PITPNC1: variants seen among roughly 807,000 people sequenced by gnomAD.
The protein encoded by PITPNC1 is phosphatidylinositol transfer protein cytoplasmic 1.
A neutral mutation model predicts 44.7 loss-of-function variants in PITPNC1; 18 were observed. The observed-to-expected ratio is 0.40, with a 90% CI of 0.28 to 0.60. The LOEUF (loss-of-function observed/expected upper bound fraction) is 0.60, where lower values mean the gene tolerates loss of function less well. Ranked by LOEUF, PITPNC1 falls within the 20% of genes least tolerant of loss-of-function variation. PITPNC1 has a pLI of 0.39. For missense variants in PITPNC1, 290 were observed against 418.4 expected, an observed-to-expected ratio of 0.69 and a Z score of 2.68; for synonymous variants, 141 against 149.6, an observed-to-expected ratio of 0.94 and a Z score of 0.42.
chr17:67,631,655 A>ATATATATATATATAT (rs57804710), intron 5 of PITPNC1, among the ~76,000 whole-genome samples: 3 of 8,300 alleles, frequency 3.6e-4, no homozygotes, highest in African/African-American at 7.3e-4. Flanking sequence ...AAAAAAAAAA[A>ATATATATATATATAT]AAATATATAT....
chr17:67,629,046 A>T (rs1041396519), intron 5 of PITPNC1, among the ~76,000 whole-genome samples: 21 of 152,310 alleles, frequency 1.4e-4, no homozygotes, highest in African/African-American at 4.8e-4. Context: ...GAAAACTGCA[A>T]TGGGTGCAAT....
At position 67,578,179 on chromosome 17, in the gene PITPNC1, C is replaced by G; in HGVS notation, c.295-7C>G. 1 of 1,600,530 alleles carries G rather than the reference C, an allele frequency of 6.2e-7. No individual in the cohort carries two copies. The highest frequency in any genetic ancestry group is 8.6e-7 in the Non-Finnish European group (1 of 1,167,884). ...TATGCTAATGAAAATTTGCTTTTCT[C>G]CCACAGTGTTCCTTTCTGCCGAAAT... is the stretch of plus-strand genomic sequence containing the variant. On this transcript the variant is annotated splice_polypyrimidine_tract_variant and splice_region_variant and intron_variant, in intron 4 of 8. Coordinates refer to ENST00000581322, the MANE Select transcript of PITPNC1 (RefSeq NM_012417.4).
chr17:67,690,354 A>G (rs57253958), intron 8 of PITPNC1, among the ~76,000 whole-genome samples: 75,465 of 151,126 alleles, frequency 0.5, 19,612 homozygotes, highest in Admixed American at 0.61. Flanking sequence ...AGGCTGAGGC[A>G]GGAGAATCGC....
intron 8 of PITPNC1, among the ~76,000 whole-genome samples, chr17:67,682,947 G>A (rs746449414): frequency 7.2e-5 from 11 of 152,000 alleles, no homozygotes; most frequent in Middle Eastern, 3.2e-3. Context: ...GAATCACAAG[G>A]TCAGGAGTTC....
At chr17:67,682,265 A>G (rs566146867) in intron 8 of PITPNC1, among the ~76,000 whole-genome samples, 1 of 152,332 alleles carries the variant, frequency 6.6e-6, no homozygotes, top group Admixed American at 6.5e-5. Context: ...GTACAAAGCT[A>G]TTCTGTGTGG....
intron 1 of PITPNC1, among the ~76,000 whole-genome samples, chr17:67,426,412 G>C (rs2038766014): frequency 6.6e-6 from 1 of 152,150 alleles, no homozygotes; most frequent in Admixed American, 6.6e-5. Context: ...TATACACCAT[G>C]GAATACTATA....
chr17:67,661,994 CATAATA>C (rs59557224), intron 6 of PITPNC1, among the ~76,000 whole-genome samples: 2 of 150,864 alleles, frequency 1.3e-5, no homozygotes, highest in Non-Finnish European at 2.9e-5. Context: ...GACTCCATCT[CATAATA>C]ATAATAATAA....
intron 1 of PITPNC1, among the ~76,000 whole-genome samples, chr17:67,406,594 T>TTG (rs1438048508): frequency 6.6e-6 from 1 of 150,820 alleles, no homozygotes; most frequent in Non-Finnish European, 1.5e-5. Context: ...ATATATAGTT[T>TTG]TTTTTTTTTT....
intron 5 of PITPNC1, among the ~76,000 whole-genome samples, chr17:67,628,497 T>C (rs2048274263): frequency 6.6e-6 from 1 of 152,194 alleles, no homozygotes; most frequent in Admixed American, 6.5e-5. Context: ...ACCCTAAGGC[T>C]GAGAGAGAAT....
At chr17:67,657,600 A>G (rs1413500541) in intron 6 of PITPNC1, among the ~76,000 whole-genome samples, 1 of 152,152 alleles carries the variant, frequency 6.6e-6, no homozygotes, top group African/African-American at 2.4e-5. Flanking sequence ...GTCCTTATCT[A>G]TAAAACTGAG....
chr17:67,495,000 C>G (rs1224484474), intron 1 of PITPNC1, among the ~76,000 whole-genome samples: 1 of 137,660 alleles, frequency 7.3e-6, no homozygotes, highest in Non-Finnish European at 1.5e-5. Context: ...GCAACAACAA[C>G]AAGTAGAAGT....
At chr17:67,428,950 C>T (rs1285550440) in intron 1 of PITPNC1, among the ~76,000 whole-genome samples, 1 of 147,488 alleles carries the variant, frequency 6.8e-6, no homozygotes, top group Non-Finnish European at 1.5e-5. Context: ...AAGCGATTCT[C>T]CTGCCTCAGC....
chr17:67,591,119 AAAAC>A (rs577857241), intron 5 of PITPNC1, among the ~76,000 whole-genome samples: 113 of 152,220 alleles, frequency 7.4e-4, no homozygotes, highest in Admixed American at 2.4e-3. Context: ...GTTCTTGTCA[AAAAC>A]AAACAAACAA....
At chr17:67,584,712 C>T (rs1375595125) in intron 5 of PITPNC1, among the ~76,000 whole-genome samples, 1 of 152,184 alleles carries the variant, frequency 6.6e-6, no homozygotes. Context: ...CCCAATGAGA[C>T]TCTGATTTTG....
intron 1 of PITPNC1, among the ~76,000 whole-genome samples, chr17:67,394,123 C>G (rs916581897): frequency 5.3e-5 from 8 of 152,052 alleles, no homozygotes; most frequent in Admixed American, 2.0e-4. Flanking sequence ...CAAGCGTGAG[C>G]CACCATGCCC....
intron 5 of PITPNC1, among the ~76,000 whole-genome samples, chr17:67,606,004 CT>C (rs1467023511): frequency 2.0e-5 from 3 of 152,138 alleles, no homozygotes; most frequent in Non-Finnish European, 2.9e-5. Flanking sequence ...GATCTGGGGT[CT>C]TTTGATTGTG....
intron 1 of PITPNC1, among the ~76,000 whole-genome samples, chr17:67,501,137 A>G (rs67132864): frequency 0.12 from 18,216 of 152,196 alleles, 1,227 homozygotes; most frequent in Middle Eastern, 0.21. Flanking sequence ...TGCTAATGTC[A>G]TATTATTACT....
intron 1 of PITPNC1, among the ~76,000 whole-genome samples, chr17:67,387,163 C>T (rs963640327): frequency 2.6e-5 from 4 of 152,198 alleles, no homozygotes; most frequent in African/African-American, 9.7e-5. Context: ...CAGGGGGCGC[C>T]ATTTACATGG....
At chr17:67,446,828 G>A (rs1480601293) in intron 1 of PITPNC1, among the ~76,000 whole-genome samples, 1 of 151,826 alleles carries the variant, frequency 6.6e-6, no homozygotes, top group Non-Finnish European at 1.5e-5. Flanking sequence ...GGTGGCTCAC[G>A]CCTGTAATCC....
Sources: gnomAD v4.1 joint callset for allele counts (sites outside exome capture counted in the v4.1 genomes callset) on GRCh38, gnomAD v4.1.1 for gene constraint, MANE v1.5 for transcripts, NCBI Gene and HGNC (gene_info 2026-07-23, HGNC 2026-07-21) for gene names.